KLF15: variants seen among roughly 807,000 people sequenced by gnomAD.
KLF15 encodes the protein Krueppel-like factor 15.
Under a neutral mutation model 24.6 loss-of-function variants are expected in KLF15, and 4 were observed. That is an observed-to-expected ratio of 0.16 (90% CI 0.08 to 0.37). The LOEUF (loss-of-function observed/expected upper bound fraction) is 0.37. Among genes scored for constraint, KLF15 ranks in the 10% least tolerant of loss-of-function variants. The pLI is 1.00. For synonymous variants in KLF15, 246 were observed against 236.3 expected, an observed-to-expected ratio of 1.04 and a Z score of -0.37; for missense variants, 496 against 560.6, an observed-to-expected ratio of 0.88 and a Z score of 1.16.
chr3:126,298,056 A>G, the KLF15 span, among the ~76,000 whole-genome samples: 2 of 152,220 alleles, frequency 1.3e-5, no homozygotes, highest in African/African-American at 4.8e-5. Flanking sequence ...ACTAGTTTAC[A>G]TTCCTACCAG....
the KLF15 span, among the ~76,000 whole-genome samples, chr3:126,307,863 C>T: frequency 6.6e-6 from 1 of 152,188 alleles, no homozygotes; most frequent in African/African-American, 2.4e-5. Flanking sequence ...ACTTAGTTCC[C>T]CCCAGGCCAG....
intron 2 of KLF15, among the ~76,000 whole-genome samples, chr3:126,345,597 T>TCACGCA (rs1308193255): frequency 6.7e-6 from 1 of 150,232 alleles, no homozygotes; most frequent in Non-Finnish European, 1.5e-5. Flanking sequence ...CCCCATGTAC[T>TCACGCA]CACGCACACA....
chr3:126,354,853 G>A (rs1164205673), intron 1 of KLF15, among the ~76,000 whole-genome samples: 1 of 152,202 alleles, frequency 6.6e-6, no homozygotes, highest in African/African-American at 2.4e-5. Context: ...GGTGACCTCA[G>A]GCAGGTGCAC....
chr3:126,323,434 T>TAC, the KLF15 span, among the ~76,000 whole-genome samples: 3 of 57,612 alleles, frequency 5.2e-5, no homozygotes, highest in East Asian at 1.5e-3. Flanking sequence ...TATATATATA[T>TAC]AACATATATA....
chr3:126,314,218 T>C, the KLF15 span, among the ~76,000 whole-genome samples: 1 of 152,090 alleles, frequency 6.6e-6, no homozygotes, highest in Non-Finnish European at 1.5e-5. Flanking sequence ...GGGGTTCCAA[T>C]AGCTCACAAA....
At chr3:126,326,172 C>T in the KLF15 span, among the ~76,000 whole-genome samples, 1 of 105,196 alleles carries the variant, frequency 9.5e-6, no homozygotes, top group Non-Finnish European at 1.9e-5. Context: ...TGATCTATAT[C>T]TCTGTTTTGG....
chr3:126,345,947 C>G (rs1398963689), intron 2 of KLF15, among the ~76,000 whole-genome samples: 2 of 152,154 alleles, frequency 1.3e-5, no homozygotes, highest in Non-Finnish European at 2.9e-5. Context: ...GCTCAGGGTG[C>G]TGAGGGCCTG....
chr3:126,298,432 T>TATTATTATTATTAGC, the KLF15 span, among the ~76,000 whole-genome samples: 2 of 146,388 alleles, frequency 1.4e-5, no homozygotes, highest in Admixed American at 6.7e-5. Context: ...TTATTATTAT[T>TATTATTATTATTAGC]ATTATTATTA....
the KLF15 span, among the ~76,000 whole-genome samples, chr3:126,332,168 C>T: frequency 6.6e-6 from 1 of 151,982 alleles, no homozygotes; most frequent in Non-Finnish European, 1.5e-5. Flanking sequence ...CTTAAGTGTC[C>T]CTGTCTGACA....
chr3:126,314,228 A>G, the KLF15 span, among the ~76,000 whole-genome samples: 1 of 152,138 alleles, frequency 6.6e-6, no homozygotes, highest in Middle Eastern at 3.4e-3. Context: ...TAGCTCACAA[A>G]ATGTCAGTCC....
At chr3:126,339,867 A>G (rs144170372), downstream of KLF15, among the ~76,000 whole-genome samples, 137 of 152,292 alleles carry the variant, frequency 9.0e-4, no homozygotes, top group East Asian at 0.024. Context: ...TGCAGGAGTC[A>G]AGATTGTCAT....
At chr3:126,301,848 T>C in the KLF15 span, among the ~76,000 whole-genome samples, 20 of 151,934 alleles carry the variant, frequency 1.3e-4, no homozygotes, top group Non-Finnish European at 2.2e-4. Flanking sequence ...CTCCTGACCT[T>C]AGGTGATCTA....
downstream of KLF15, among the ~76,000 whole-genome samples, chr3:126,341,375 C>T (rs2082478488): frequency 6.6e-6 from 1 of 152,202 alleles, no homozygotes; most frequent in Admixed American, 6.5e-5. Flanking sequence ...ATTCCACGTC[C>T]CATGTCATCA....
At chr3:126,343,937 C>A in intron 2 of KLF15, 42 bp from the exon 3 acceptor site, 3 of 1,512,602 alleles carry the variant, frequency 2.0e-6, no homozygotes, top group African/African-American at 2.8e-5. Flanking sequence ...GCCCTGCCTG[C>A]CCCTGCCTGC....
At chr3:126,310,559 C>T in the KLF15 span, among the ~76,000 whole-genome samples, 23 of 152,130 alleles carry the variant, frequency 1.5e-4, no homozygotes, top group Non-Finnish European at 2.5e-4. Context: ...AAACAACAGA[C>T]GCTTATTTCC....
At chr3:126,327,139 T>C in the KLF15 span, among the ~76,000 whole-genome samples, 6 of 152,320 alleles carry the variant, frequency 3.9e-5, no homozygotes, top group South Asian at 1.2e-3. Flanking sequence ...CATTCTGTGG[T>C]CACATCTCAT....
At chr3:126,305,302 G>C in the KLF15 span, among the ~76,000 whole-genome samples, 1 of 152,248 alleles carries the variant, frequency 6.6e-6, no homozygotes, top group South Asian at 2.1e-4. Flanking sequence ...AAATAAACAA[G>C]AATCACAGAG....
chr3:126,314,557 C>T, the KLF15 span, among the ~76,000 whole-genome samples: 5 of 152,180 alleles, frequency 3.3e-5, no homozygotes, highest in African/African-American at 1.2e-4. Context: ...GTAGCTCCTG[C>T]CTCCCACACC....
chr3:126,323,462 AC>A, the KLF15 span, among the ~76,000 whole-genome samples: 3 of 86,552 alleles, frequency 3.5e-5, no homozygotes, highest in African/African-American at 1.8e-4. Context: ...TATATATATA[AC>A]ATATATATGT....
Sources: gnomAD v4.1 joint callset for allele counts (sites outside exome capture counted in the v4.1 genomes callset) on GRCh38, gnomAD v4.1.1 for gene constraint, MANE v1.5 for transcripts, NCBI Gene and HGNC (gene_info 2026-07-23, HGNC 2026-07-21) for gene names.